The following ADGRG7 variants were observed in gnomAD, a reference collection of about 807,000 sequenced individuals.
ADGRG7 encodes the protein G-protein coupled receptor 128.
In ADGRG7, 82 loss-of-function variants were observed where a neutral mutation model predicts 88.6. The observed-to-expected ratio is 0.93, with a 90% CI of 0.77 to 1.11. The LOEUF is 1.11. Among genes scored for constraint, ADGRG7 ranks in the 50% most tolerant of loss-of-function variants. ADGRG7 has a pLI of 0.00. For missense variants in ADGRG7, 945 were observed against 953.4 expected (o/e 0.99, Z 0.12); for synonymous variants, 381 against 345.2 (o/e 1.10, Z -1.15).
rs774536133 is a variant in ADGRG7, at chr3:100,643,225, G to C, written c.699-41G>C. ...ACAGAACACATACCTTTCATTTTAT[G>C]ACAAAATCTTGAGTATTAAATTGTG... is the stretch of plus-strand genomic sequence containing the variant. On this transcript the variant is annotated intron_variant, in intron 6 of 15. Coordinates refer to ENST00000273352, the MANE Select transcript of ADGRG7 (RefSeq NM_032787.3). 3.2e-6 allele frequency: 5 copies of C among 1,577,656 alleles called. No individual in the cohort carries two copies. In the African/African-American group the frequency reaches 6.8e-5, roughly 21 times the overall value.
intron 1 of ADGRG7, among the ~76,000 whole-genome samples, chr3:100,622,648 T>G (rs1322711710): frequency 6.6e-6 from 1 of 152,220 alleles, no homozygotes; most frequent in African/African-American, 2.4e-5. Context: ...AAATTGCAAT[T>G]CTAATCTACA....
intron 14 of ADGRG7, among the ~76,000 whole-genome samples, chr3:100,663,879 A>G (rs2094948601): frequency 6.6e-6 from 1 of 151,982 alleles, no homozygotes; most frequent in Non-Finnish European, 1.5e-5. Context: ...ATCATCTAAC[A>G]AGACTGGTTT....
At chr3:100,611,299 CCTT>C (rs1707149382) in intron 1 of ADGRG7, among the ~76,000 whole-genome samples, 1 of 110,794 alleles carries the variant, frequency 9.0e-6, no homozygotes, top group African/African-American at 3.3e-5. Flanking sequence ...TTCCTTCCTT[CCTT>C]TCTTCTTTCC....
intron 6 of ADGRG7, among the ~76,000 whole-genome samples, chr3:100,640,067 C>T (rs141215592): frequency 6.6e-6 from 1 of 152,316 alleles, no homozygotes; most frequent in African/African-American, 2.4e-5. Context: ...CCTTCATTCA[C>T]TTAGATAAAG....
chr3:100,637,977 C>T (rs1707574419), intron 6 of ADGRG7, among the ~76,000 whole-genome samples: 3 of 152,240 alleles, frequency 2.0e-5, no homozygotes, highest in Non-Finnish European at 4.4e-5. Flanking sequence ...CACTTCTCCA[C>T]TGTCAGGAGC....
chr3:100,612,048 T>G (rs1707162062), intron 1 of ADGRG7, among the ~76,000 whole-genome samples: 1 of 152,098 alleles, frequency 6.6e-6, no homozygotes, highest in South Asian at 2.1e-4. Flanking sequence ...GTAGGGAAAA[T>G]ATATATAAAC....
intron 15 of ADGRG7, among the ~76,000 whole-genome samples, chr3:100,682,993 C>T (rs887966245): frequency 6.6e-6 from 1 of 152,138 alleles, no homozygotes; most frequent in East Asian, 1.9e-4. Context: ...GAAGCCCCAC[C>T]TTAAAGCCAG....
chr3:100,670,905 G>A (rs1309859986), intron 15 of ADGRG7, among the ~76,000 whole-genome samples: 1 of 152,130 alleles, frequency 6.6e-6, no homozygotes, highest in East Asian at 1.9e-4. Context: ...CCTTTTTATG[G>A]CTGCATAATA....
At chr3:100,656,339 C>A (rs1210127922) in intron 13 of ADGRG7, among the ~76,000 whole-genome samples, 3 of 152,080 alleles carry the variant, frequency 2.0e-5, no homozygotes, top group Admixed American at 6.5e-5. Flanking sequence ...ATGGGAATAA[C>A]AATAATAGTA....
At chr3:100,672,655 C>T (rs891155320) in intron 15 of ADGRG7, among the ~76,000 whole-genome samples, 3 of 152,116 alleles carry the variant, frequency 2.0e-5, no homozygotes, top group Non-Finnish European at 2.9e-5. Context: ...GGGAATGCTT[C>T]CAGTTTTTGC....
intron 14 of ADGRG7, chr3:100,665,444 C>T: frequency 1.9e-6 from 1 of 537,204 alleles, no homozygotes; most frequent in Non-Finnish European, 3.8e-6. Flanking sequence ...ACTAAATCTT[C>T]AGCAACATCA....
At chr3:100,612,133 A>G (rs1707163281) in intron 1 of ADGRG7, among the ~76,000 whole-genome samples, 1 of 152,130 alleles carries the variant, frequency 6.6e-6, no homozygotes. Flanking sequence ...CTGGAGTAAC[A>G]TATATATAAA....
intron 15 of ADGRG7, among the ~76,000 whole-genome samples, chr3:100,689,417 A>C (rs548594861): frequency 6.6e-6 from 1 of 152,244 alleles, no homozygotes; most frequent in African/African-American, 2.4e-5. Context: ...TGATCCTGTC[A>C]TTATGTTAGC....
chr3:100,647,379 G>T (rs1707771880), intron 10 of ADGRG7, among the ~76,000 whole-genome samples: 1 of 152,156 alleles, frequency 6.6e-6, no homozygotes, highest in African/African-American at 2.4e-5. Context: ...ATAGCTGTGT[G>T]CCAGAGACAG....
At chr3:100,626,801 C>A (rs1251224617) in intron 1 of ADGRG7, among the ~76,000 whole-genome samples, 2 of 152,108 alleles carry the variant, frequency 1.3e-5, no homozygotes, top group East Asian at 3.9e-4. Context: ...AAAAAATTAT[C>A]TGAACAATGA....
chr3:100,687,348 C>T (rs1323379749), intron 15 of ADGRG7, among the ~76,000 whole-genome samples: 1 of 152,092 alleles, frequency 6.6e-6, no homozygotes, highest in Non-Finnish European at 1.5e-5. Context: ...TTCCTCTTTT[C>T]CTAATTGAAT....
At position 100,641,973 on chromosome 3, in the gene ADGRG7, C is replaced by G. The variant is rs150838381; in HGVS notation, c.699-1293C>G. On this transcript the variant is annotated intron_variant, in intron 6 of 15. Transcript: ENST00000273352. ...GGTGGATGACCACTTTCTGGATTGG[C>G]TTCTCTGGGGCAGGTGCCCATCTGT... 1.2e-3 allele frequency among the ~76,000 whole-genome samples: 176 copies of G among 152,320 alleles called. 3 individuals are homozygous for G. In the East Asian group the frequency reaches 0.028, roughly 24 times the overall value.
At chr3:100,658,486 G>T (rs1224388125) in intron 13 of ADGRG7, among the ~76,000 whole-genome samples, 1 of 152,138 alleles carries the variant, frequency 6.6e-6, no homozygotes, top group African/African-American at 2.4e-5. Flanking sequence ...CACCCACAAA[G>T]CTCCTACATA....
chr3:100,635,742 C>G lies in ADGRG7; in HGVS notation c.513C>G (p.Ala171=), dbSNP rs1462781356. ...AAGTCCAGATTTTAACATCTGATGC[C>G]AATAAATTAACTGCTGAGAACATCA... ...SSEVQILTSD[A]NKLTAENITS... is the part of the protein sequence containing the mutation. Residue 171 remains alanine, a synonymous_variant, in exon 5 of 16, where the codon GCC becomes GCG. Transcript: ENST00000273352. 1 of 1,613,552 alleles carries G rather than the reference C, an allele frequency of 6.2e-7. No homozygotes were observed. The highest frequency in any genetic ancestry group is 1.3e-5 in the African/African-American group (1 of 74,860).
Sources: allele counts gnomAD v4.1 joint callset (sites outside exome capture counted in the v4.1 genomes callset), GRCh38; gene constraint gnomAD v4.1.1; transcripts MANE v1.5; gene names NCBI Gene and HGNC (gene_info 2026-07-23, HGNC 2026-07-21).